Variants in KIF4A observed in about 807,000 individuals in gnomAD.
KIF4A encodes the protein kinesin family member 4A.
Under a neutral mutation model 105.9 loss-of-function variants are expected in KIF4A, and 7 were observed. The ratio of observed to expected loss-of-function variants is 0.07; its 90% CI spans 0.04 to 0.12. KIF4A has a LOEUF of 0.12. Ranked by LOEUF, KIF4A falls within the 10% of genes least tolerant of loss-of-function variation. KIF4A has a pLI of 1.00. For synonymous variants in KIF4A, 281 were observed against 331.3 expected, an observed-to-expected ratio of 0.85 and a Z score of 1.65; for missense variants, 558 against 929.2, an observed-to-expected ratio of 0.60 and a Z score of 5.19.
intron 28 of KIF4A, among the ~76,000 whole-genome samples, chrX:70,409,795 A>AG (rs1491110433): frequency 1.2e-5 from 1 of 81,909 alleles, no homozygotes; most frequent in Non-Finnish European, 2.5e-5. Flanking sequence ...AGACTGTCTC[A>AG]AAAAAAAAAA....
chrX:70,309,514 C>A (rs898999512), intron 7 of KIF4A, among the ~76,000 whole-genome samples: 3 of 111,459 alleles, frequency 2.7e-5, no homozygotes, highest in African/African-American at 9.8e-5. Flanking sequence ...TTTCTTCTTA[C>A]ATATTTTTTC....
intron 22 of KIF4A, among the ~76,000 whole-genome samples, chrX:70,401,587 G>T (rs964906194): frequency 9.2e-6 from 1 of 108,876 alleles, no homozygotes; most frequent in African/African-American, 3.3e-5. Context: ...TTTTAGTAGA[G>T]CCGGGGTTTC....
chrX:70,396,042 G>A lies in KIF4A; in HGVS notation c.2482G>A (p.Glu828Lys). ...GATTGAAAGCCTAGAGACTGAAATG[G>A]AATTCAGGTAACAGGGACTATCTCT... ...KQIESLETEMEFRSAQIADLQ... is the reference protein window; with the variant it reads ...KQIESLETEMKFRSAQIADLQ... Residue 828 changes from glutamate (E) to lysine (K), a missense_variant, in exon 22 of 31, where the codon GAA becomes AAA. Physicochemically the swap from Glu to Lys is moderately conservative, Grantham distance 56 (BLOSUM62 1). This residue lies in a region of KIF4A where 469 missense variants were observed against 680.4 expected (regional missense o/e 0.69). Transcript: ENST00000374403. 8.5e-7 allele frequency: 1 copy of A among 1,177,332 alleles called. No homozygotes were observed.
chrX:70,324,303 C>T lies in KIF4A; in HGVS notation c.779-5102C>T, dbSNP rs191326407. On this transcript the variant is annotated intron_variant, in intron 7 of 30. Coordinates refer to ENST00000374403, the MANE Select transcript of KIF4A (RefSeq NM_012310.5). ...TGTAATTATTTAATTATCTGTTTCC[C>T]CCATTAGACTTTGAGTTCCTTAAAA... is the stretch of plus-strand genomic sequence containing the variant. 3.1e-3 allele frequency among the ~76,000 whole-genome samples: 346 copies of T among 112,002 alleles called. 2 individuals are homozygous for T. Among genetic ancestry groups the T allele is most frequent in the African/African-American group, 0.011 (337 of 30,846 alleles).
At chrX:70,353,598 A>G in intron 14 of KIF4A, 24 bp from the exon 15 acceptor site, 1 of 1,187,104 alleles carries the variant, frequency 8.4e-7, no homozygotes, top group Non-Finnish European at 1.1e-6. Flanking sequence ...TCTCTTATAA[A>G]TCATTATCCT....
chrX:70,415,372 G>A, intron 28 of KIF4A: 2 of 264,257 alleles, frequency 7.6e-6, no homozygotes, highest in Non-Finnish European at 7.1e-6. Flanking sequence ...CACTTTGGGA[G>A]GCTGAGGCAA....
intron 10 of KIF4A, among the ~76,000 whole-genome samples, chrX:70,334,381 GT>G (rs2085942578): frequency 8.9e-6 from 1 of 111,784 alleles, no homozygotes; most frequent in Non-Finnish European, 1.9e-5. Context: ...CAAACCATGA[GT>G]TTATACTGAC....
At chrX:70,417,241 G>A (rs1000926467) in intron 28 of KIF4A, among the ~76,000 whole-genome samples, 3 of 111,828 alleles carry the variant, frequency 2.7e-5, no homozygotes, top group African/African-American at 9.7e-5. Flanking sequence ...GGTGGCTCAC[G>A]CCTGTAATCC....
chrX:70,408,393 C>T (rs770062431), intron 28 of KIF4A, among the ~76,000 whole-genome samples: 1 of 111,626 alleles, frequency 9.0e-6, no homozygotes, highest in Non-Finnish European at 1.9e-5. Context: ...AGGAACAATC[C>T]GACTTAGGCA....
chrX:70,356,428 A>G (rs2086051566), intron 15 of KIF4A, among the ~76,000 whole-genome samples: 1 of 110,784 alleles, frequency 9.0e-6, no homozygotes, highest in Non-Finnish European at 1.9e-5. Context: ...TACAAAAATT[A>G]GCTGCATGCC....
At chrX:70,410,821 C>T (rs775891187) in intron 28 of KIF4A, among the ~76,000 whole-genome samples, 2 of 111,989 alleles carry the variant, frequency 1.8e-5, no homozygotes, top group East Asian at 2.8e-4. Context: ...AGGCCACTGA[C>T]CAGTACTGGT....
At chrX:70,361,912 A>G (rs762219083) in intron 15 of KIF4A, among the ~76,000 whole-genome samples, 10 of 112,237 alleles carry the variant, frequency 8.9e-5, no homozygotes, top group Non-Finnish European at 1.3e-4. Flanking sequence ...TCAGACTCTG[A>G]GTCTCTGTGT....
chrX:70,340,242 TTAATG>T (rs1255486557), intron 10 of KIF4A, among the ~76,000 whole-genome samples: 10 of 111,938 alleles, frequency 8.9e-5, no homozygotes. Context: ...CTTAAAAAAT[TTAATG>T]TATGTAAAGT....
intron 7 of KIF4A, among the ~76,000 whole-genome samples, chrX:70,307,152 T>C (rs1602741914): frequency 9.0e-6 from 1 of 111,411 alleles, no homozygotes; most frequent in South Asian, 3.8e-4. Flanking sequence ...AATTCTTTTT[T>C]AATATTTTTT....
intron 3 of KIF4A, among the ~76,000 whole-genome samples, chrX:70,295,926 A>C (rs755811870): frequency 2.6e-5 from 2 of 75,720 alleles, no homozygotes; most frequent in South Asian, 2.1e-3. Flanking sequence ...CAAAAAAAAA[A>C]AAAAATTTAC....
intron 13 of KIF4A, among the ~76,000 whole-genome samples, chrX:70,349,273 A>C (rs2147702532): frequency 5.6e-5 from 3 of 53,651 alleles, no homozygotes; most frequent in Non-Finnish European, 3.3e-5. Context: ...ATCCCAGACA[A>C]TGGGCGGCTG....
chrX:70,378,235 A>C (rs2086182595), intron 18 of KIF4A, among the ~76,000 whole-genome samples: 2 of 111,386 alleles, frequency 1.8e-5, no homozygotes, highest in African/African-American at 6.5e-5. Flanking sequence ...AGCCCCAGCT[A>C]CTTGGGAGGC....
chrX:70,400,628 A>G (rs1194004048), intron 22 of KIF4A, among the ~76,000 whole-genome samples: 2 of 112,403 alleles, frequency 1.8e-5, no homozygotes, highest in African/African-American at 6.5e-5. Context: ...AGAGGGAGAC[A>G]TAAGAATCCA....
At chrX:70,295,841 C>T (rs113504642) in intron 3 of KIF4A, among the ~76,000 whole-genome samples, 2,786 of 106,427 alleles carry the variant, frequency 0.026, 109 homozygotes, top group African/African-American at 0.091. Context: ...CGCTTGAACC[C>T]GGGAGGTGGA....
Sources: allele counts gnomAD v4.1 joint callset (sites outside exome capture counted in the v4.1 genomes callset), GRCh38; gene constraint gnomAD v4.1.1; regional missense constraint gnomAD v4.1.1; transcripts MANE v1.5; gene names NCBI Gene and HGNC (gene_info 2026-07-23, HGNC 2026-07-21).